The following UGGT2 variants were observed in gnomAD, a reference collection of about 807,000 sequenced individuals.
The protein encoded by UGGT2 is UDP-glucose:glycoprotein glucosyltransferase 2.
UGGT2 carries 180 observed loss-of-function variants against 192.1 expected under a neutral mutation model. The ratio of observed to expected loss-of-function variants is 0.94; its 90% CI spans 0.83 to 1.06. The LOEUF is 1.06. Among genes scored for constraint, UGGT2 ranks in the 50% least tolerant of loss-of-function variants. The pLI, the probability that UGGT2 is intolerant of heterozygous loss-of-function variation, is 0.00. For missense variants in UGGT2, 1,849 were observed against 1,795.7 expected, an observed-to-expected ratio of 1.03 and a Z score of -0.54; for synonymous variants, 580 against 591.0, an observed-to-expected ratio of 0.98 and a Z score of 0.27.
At chr13:95,855,182 A>G (rs923942692) in intron 34 of UGGT2, among the ~76,000 whole-genome samples, 2 of 148,152 alleles carry the variant, frequency 1.3e-5, no homozygotes, top group African/African-American at 5.0e-5. Flanking sequence ...AGCTCCTAGG[A>G]TGCTGAGGTG....
intron 36 of UGGT2, among the ~76,000 whole-genome samples, chr13:95,838,325 A>G (rs1887517936): frequency 6.6e-6 from 1 of 152,226 alleles, no homozygotes; most frequent in Non-Finnish European, 1.5e-5. Context: ...ATGAAGAGAT[A>G]TTCTATGTTC....
In UGGT2 at chr13:96,037,999, G is replaced by A. The variant is rs529892688; in HGVS notation, c.159-6028C>T. Among the ~76,000 whole-genome samples the A allele has an allele frequency of 2.0e-5, 3 of 152,332 alleles. No individual in the cohort carries two copies. In the East Asian group the frequency reaches 5.8e-4, roughly 29 times the overall value. On this transcript the variant is annotated intron_variant, in intron 1 of 38. Coordinates refer to ENST00000376747, the MANE Select transcript of UGGT2 (RefSeq NM_020121.4). ...AGAGGATCAGTAGATAAAAGGTATA[G>A]AGAGAAAGATTTTAGTTTATATAAT... is the stretch of plus-strand genomic sequence containing the variant.
intron 4 of UGGT2, among the ~76,000 whole-genome samples, chr13:96,022,659 A>G (rs2052548579): frequency 1.3e-5 from 2 of 151,930 alleles, no homozygotes. Flanking sequence ...ACTTGCAAAA[A>G]AGCAAAAAAA....
intron 5 of UGGT2, among the ~76,000 whole-genome samples, chr13:96,006,623 CAAAAAAA>C (rs61256349): frequency 4.3e-5 from 4 of 93,466 alleles, no homozygotes; most frequent in African/African-American, 1.5e-4. Context: ...GATTCTGCCT[CAAAAAAA>C]AAAAAAAAAA....
rs893781992 is a variant in UGGT2 at position 95,846,634 on chromosome 13, T to A, written c.4284+6909A>T. 5.3e-5 allele frequency among the ~76,000 whole-genome samples: 8 copies of A among 152,240 alleles called. No homozygotes were observed. The East Asian group carries it at 1.2e-3, about 22-fold the overall frequency. On this transcript the variant is annotated intron_variant, in intron 36 of 38. Coordinates refer to ENST00000376747, the MANE Select transcript of UGGT2 (RefSeq NM_020121.4). Reference sequence around the variant, plus strand: ...CCTTCTCTTCAATTTTCTGGAAGAGTTTGTGTAAAACTGGTATTATTTCTT... The same window carrying A: ...CCTTCTCTTCAATTTTCTGGAAGAGATTGTGTAAAACTGGTATTATTTCTT...
At chr13:96,050,559 G>A (rs985387077) in intron 1 of UGGT2, among the ~76,000 whole-genome samples, 5 of 151,264 alleles carry the variant, frequency 3.3e-5, no homozygotes, top group African/African-American at 1.2e-4. Flanking sequence ...CAGAATGGGA[G>A]AAAATTTTTG....
At chr13:95,979,326 T>C (rs185174308) in intron 10 of UGGT2, among the ~76,000 whole-genome samples, 4 of 152,238 alleles carry the variant, frequency 2.6e-5, no homozygotes, top group African/African-American at 9.6e-5. Flanking sequence ...AACTTGAGCA[T>C]AGTCATAGTT....
chr13:95,861,939 A>G (rs143221398), intron 31 of UGGT2, among the ~76,000 whole-genome samples: 88 of 152,272 alleles, frequency 5.8e-4, no homozygotes, highest in African/African-American at 1.9e-3. Context: ...CTAACAAAGC[A>G]TTTTGTTTTT....
intron 3 of UGGT2, 33 bp downstream of exon 3, chr13:96,023,596 T>G: frequency 6.3e-7 from 1 of 1,583,518 alleles, no homozygotes; most frequent in Non-Finnish European, 8.6e-7. Context: ...AGCGTGCCTC[T>G]TTGTCAAATA....
At chr13:95,957,542 A>G (rs117366079) in intron 12 of UGGT2, among the ~76,000 whole-genome samples, 4 of 152,194 alleles carry the variant, frequency 2.6e-5, no homozygotes, top group African/African-American at 7.2e-5. Flanking sequence ...TCTGAGACTG[A>G]TATCTGAAAG....
chr13:95,891,419 CCAAATTAAT>C (rs2047797254), intron 24 of UGGT2, among the ~76,000 whole-genome samples: 1 of 151,934 alleles, frequency 6.6e-6, no homozygotes, highest in Non-Finnish European at 1.5e-5. Context: ...ACAAAAATAT[CCAAATTAAT>C]CATACTTTAT....
chr13:96,041,442 G>A (rs2053161824), intron 1 of UGGT2, among the ~76,000 whole-genome samples: 1 of 152,190 alleles, frequency 6.6e-6, no homozygotes, highest in Non-Finnish European at 1.5e-5. Flanking sequence ...CAGGGAGAAG[G>A]AAACCTCCAG....
intron 10 of UGGT2, among the ~76,000 whole-genome samples, chr13:95,978,815 A>G (rs1438795634): frequency 6.6e-6 from 1 of 152,188 alleles, no homozygotes; most frequent in Non-Finnish European, 1.5e-5. Flanking sequence ...ATAAGACAAG[A>G]TAAGACTTAA....
At chr13:95,895,383 A>G (rs776895264) in intron 22 of UGGT2, 79 bp from the exon 23 acceptor site, 1 of 904,358 alleles carries the variant, frequency 1.1e-6, no homozygotes, top group Non-Finnish European at 1.5e-6. Context: ...CATCAAATAG[A>G]TATTTCTTTA....
intron 1 of UGGT2, among the ~76,000 whole-genome samples, chr13:96,050,313 T>A (rs985333021): frequency 6.6e-6 from 1 of 152,176 alleles, no homozygotes; most frequent in Non-Finnish European, 1.5e-5. Context: ...TCCTTACACC[T>A]TATACAAAAA....
At chr13:95,975,844 A>T (rs1374017452) in intron 10 of UGGT2, among the ~76,000 whole-genome samples, 3 of 152,108 alleles carry the variant, frequency 2.0e-5, no homozygotes, top group Non-Finnish European at 1.5e-5. Context: ...CGGGTACATA[A>T]TAGTTGTACA....
At position 95,928,615 on chromosome 13, in the gene UGGT2, G is replaced by A. The variant is rs896869093; in HGVS notation, c.1978-1279C>T. 4.0e-5 allele frequency among the ~76,000 whole-genome samples: 6 copies of A among 150,798 alleles called. No homozygotes were observed. In the South Asian group the frequency reaches 6.3e-4, roughly 16 times the overall value. Reference sequence around the variant, plus strand: ...CCAGACGGGGCGGCGGGGCAAAGGCGCTCCCCACATCCCAGAAGGTGGGTA... The same window carrying A: ...CCAGACGGGGCGGCGGGGCAAAGGCACTCCCCACATCCCAGAAGGTGGGTA... On this transcript the variant is annotated intron_variant, in intron 17 of 38. Coordinates refer to ENST00000376747, the MANE Select transcript of UGGT2 (RefSeq NM_020121.4).
At chr13:95,832,299 G>T (rs1886790763) in intron 38 of UGGT2, among the ~76,000 whole-genome samples, 2 of 152,078 alleles carry the variant, frequency 1.3e-5, no homozygotes, top group African/African-American at 2.4e-5. Context: ...AGGCAGCACT[G>T]ACAGGGAAAG....
intron 20 of UGGT2, among the ~76,000 whole-genome samples, chr13:95,910,248 C>G (rs1453125445): frequency 6.6e-6 from 1 of 152,078 alleles, no homozygotes; most frequent in Non-Finnish European, 1.5e-5. Context: ...ACAATATTAA[C>G]CTGAAATTTA....
Sources: gnomAD v4.1 joint callset for allele counts (sites outside exome capture counted in the v4.1 genomes callset) on GRCh38, gnomAD v4.1.1 for gene constraint, MANE v1.5 for transcripts, NCBI Gene and HGNC (gene_info 2026-07-23, HGNC 2026-07-21) for gene names.